Variants in FNBP1 observed in about 807,000 individuals in gnomAD.
FNBP1 encodes formin-binding protein 1.
Under a neutral mutation model 90.6 loss-of-function variants are expected in FNBP1, and 26 were observed. The observed-to-expected ratio is 0.29, with a 90% CI of 0.21 to 0.40. The LOEUF (loss-of-function observed/expected upper bound fraction) is 0.40. FNBP1 is among the 10% of genes least tolerant of loss of function. The pLI is 1.00. For missense variants in FNBP1, 635 were observed against 768.0 expected (o/e 0.83, Z 2.05); for synonymous variants, 260 against 265.2 (o/e 0.98, Z 0.19).
Position 130,042,865 on chromosome 9 carries a change from A to C in FNBP1, c.24+87T>G, listed in dbSNP as rs1207155226. 6.5e-5 allele frequency: 63 copies of C among 972,726 alleles called. 1 individual carries two copies. The Admixed American group carries it at 1.7e-3, about 26-fold the overall frequency. The allele number at this position is 972,726 out of a possible 1,614,324, so 60.3% of individuals were successfully genotyped here. On this transcript the variant is annotated intron_variant, in intron 1 of 16. Coordinates refer to ENST00000446176, the MANE Select transcript of FNBP1 (RefSeq NM_015033.3). The surrounding 1 kb of genome is among the most constrained non-coding windows in gnomAD (Gnocchi z 5.5). ...GACCAGCGCGCCCTCGCCTCCGCCC[A>C]GCAGCGCGGCCCGCGCCCCCTCCCC...
intron 12 of FNBP1, among the ~76,000 whole-genome samples, chr9:129,905,851 A>C (rs1353956910): frequency 1.3e-5 from 2 of 150,840 alleles, no homozygotes; most frequent in Non-Finnish European, 3.0e-5. Context: ...TTTTTTGTTT[A>C]GTTTGTGGCT....
chr9:129,938,421 C>T (rs1347412968), intron 6 of FNBP1, among the ~76,000 whole-genome samples: 1 of 151,902 alleles, frequency 6.6e-6, no homozygotes, highest in Non-Finnish European at 1.5e-5. Context: ...CAGGAGCTTG[C>T]CAAAACAATG....
At position 129,900,933 on chromosome 9, in the gene FNBP1, G is replaced by A. The variant is rs553220776; in HGVS notation, c.1429-386C>T. On this transcript the variant is annotated intron_variant, in intron 13 of 16. Coordinates refer to ENST00000446176, the MANE Select transcript of FNBP1 (RefSeq NM_015033.3). This position sits in a 1 kb window ranked among gnomAD's most constrained non-coding sequence, Gnocchi z 4.1. ...CTAGTTCCTTCTTGACCATGAGGTC[G>A]CCCTGTGATACCTGAAGGTACAGCC... 6.6e-6 allele frequency among the ~76,000 whole-genome samples: 1 copy of A among 152,298 alleles called. No homozygotes were observed. The highest frequency in any genetic ancestry group is 2.4e-5 in the African/African-American group (1 of 41,570).
intron 6 of FNBP1, among the ~76,000 whole-genome samples, chr9:129,952,601 G>GATCT (rs1385979071): frequency 6.6e-6 from 1 of 152,200 alleles, no homozygotes; most frequent in African/African-American, 2.4e-5. Flanking sequence ...GTATGGGAAA[G>GATCT]ATCTGCCAGG....
At chr9:129,969,429 T>C (rs1240075483) in intron 4 of FNBP1, among the ~76,000 whole-genome samples, 3 of 152,242 alleles carry the variant, frequency 2.0e-5, no homozygotes. Context: ...AAGAGTTTAC[T>C]GCTGTATTGT....
chr9:129,958,447 A>AG, intron 5 of FNBP1, 44 bp downstream of exon 5: 1 of 1,510,008 alleles, frequency 6.6e-7, no homozygotes, highest in Non-Finnish European at 8.9e-7. Flanking sequence ...AAAAGAAAAA[A>AG]AAATCTATAA....
chr9:130,007,383 A>G (rs895632052), intron 1 of FNBP1, among the ~76,000 whole-genome samples: 1 of 152,128 alleles, frequency 6.6e-6, no homozygotes, highest in Non-Finnish European at 1.5e-5. Context: ...CAACAAATGG[A>G]AGGGCTCAGA....
At chr9:129,937,049 A>C (rs927465758) in intron 6 of FNBP1, among the ~76,000 whole-genome samples, 5 of 152,112 alleles carry the variant, frequency 3.3e-5, no homozygotes, top group African/African-American at 1.2e-4. Flanking sequence ...ACATGCCTGT[A>C]GTCCCAGCTG....
At chr9:129,953,660 C>T (rs1460144168) in intron 6 of FNBP1, among the ~76,000 whole-genome samples, 1 of 151,740 alleles carries the variant, frequency 6.6e-6, no homozygotes, top group Non-Finnish European at 1.5e-5. Context: ...TACCACATAC[C>T]AAAATATGTG....
At chr9:129,950,527 T>G (rs993392899) in intron 6 of FNBP1, among the ~76,000 whole-genome samples, 8 of 152,218 alleles carry the variant, frequency 5.3e-5, no homozygotes, top group Non-Finnish European at 1.0e-4. Context: ...GCCTTGGATC[T>G]GGCCTCAGGG....
At chr9:129,920,106 T>G (rs1160897557) in intron 10 of FNBP1, among the ~76,000 whole-genome samples, 1 of 152,246 alleles carries the variant, frequency 6.6e-6, no homozygotes, top group Non-Finnish European at 1.5e-5. Flanking sequence ...TTACGATTGC[T>G]TCTAGTGGGT....
intron 6 of FNBP1, among the ~76,000 whole-genome samples, chr9:129,943,436 G>A (rs936976808): frequency 1.1e-4 from 5 of 46,192 alleles, no homozygotes; most frequent in Non-Finnish European, 2.2e-4. Flanking sequence ...GCCCAGGCTG[G>A]AGTGCAGTGG....
intron 4 of FNBP1, among the ~76,000 whole-genome samples, chr9:129,965,985 T>C (rs142133434): frequency 2.0e-5 from 3 of 152,146 alleles, no homozygotes; most frequent in South Asian, 2.1e-4. Context: ...GATTTTTAGA[T>C]AGAGTGCCAG....
intron 6 of FNBP1, among the ~76,000 whole-genome samples, chr9:129,945,734 C>T (rs1033784965): frequency 2.6e-5 from 4 of 152,190 alleles, no homozygotes; most frequent in East Asian, 1.9e-4. Context: ...TACTAAATTT[C>T]GTTTGTTTTC....
intron 1 of FNBP1, among the ~76,000 whole-genome samples, chr9:130,037,691 A>G (rs1435685223): frequency 6.6e-6 from 1 of 152,168 alleles, no homozygotes; most frequent in Non-Finnish European, 1.5e-5. Flanking sequence ...GGATATGGAA[A>G]ATCTCTGTAC....
intron 16 of FNBP1, among the ~76,000 whole-genome samples, chr9:129,893,914 C>CAAAAAAA (rs34164874): frequency 8.6e-6 from 1 of 115,824 alleles, no homozygotes; most frequent in Non-Finnish European, 1.7e-5. Context: ...GACTCCATCT[C>CAAAAAAA]AAAAAAAAAA....
intron 1 of FNBP1, among the ~76,000 whole-genome samples, chr9:130,016,121 T>C (rs2057209041): frequency 6.6e-6 from 1 of 152,218 alleles, no homozygotes; most frequent in Admixed American, 6.5e-5. Flanking sequence ...TAAATGTTTA[T>C]CTAGTTTGAT....
chr9:129,979,374 C>A lies in FNBP1; in HGVS notation c.141G>T (p.Arg47Ser). The stretch of plus-strand genomic sequence containing the variant: ...TAGGTTGGTACTTCTTTGAAAGATT[C>A]CTGAAATAAAAATGCAGACATGTCA... ...EIELSYAKQL[R>S]NLSKKYQPKK... The change falls in exon 3 of 17, where the codon AGG becomes AGT. Residue 47 changes from arginine to serine, a missense_variant and splice_region_variant. By Grantham distance (110) the Arg-to-Ser change is moderately radical. Transcript: ENST00000446176. 1 of 1,596,408 alleles carries A rather than the reference C, an allele frequency of 6.3e-7. No individual in the cohort carries two copies. The highest frequency in any genetic ancestry group is 8.6e-7 in the Non-Finnish European group (1 of 1,165,826).
Position 129,943,381 on chromosome 9 carries a change from T to C in FNBP1, c.514-13686A>G, listed in dbSNP as rs551439198. 8.4e-5 allele frequency among the ~76,000 whole-genome samples: 10 copies of C among 119,558 alleles called. No homozygotes were observed. In the East Asian group the frequency reaches 2.6e-3, roughly 31 times the overall value. 78.4% of individuals were successfully genotyped at this position (119,558 alleles called of 152,430 possible). A position where few individuals can be genotyped will look rare whatever the true frequency, so the allele number is the denominator to read the frequency against. ...GGCAAGTATGTAGAGCAATCATTAA[T>C]TGCTTTTTTTTTTTTTTTTTTTGAG... On this transcript the variant is annotated intron_variant, in intron 6 of 16. Coordinates refer to ENST00000446176, the MANE Select transcript of FNBP1 (RefSeq NM_015033.3).
Sources: allele counts gnomAD v4.1 joint callset (sites outside exome capture counted in the v4.1 genomes callset), GRCh38; gene constraint gnomAD v4.1.1; non-coding constraint Gnocchi (gnomAD v3.1); transcripts MANE v1.5; gene names NCBI Gene and HGNC (gene_info 2026-07-23, HGNC 2026-07-21).